Variants in CDK14 observed in about 807,000 individuals in gnomAD.
CDK14 encodes the protein cyclin-dependent kinase 14.
CDK14 carries 34 observed loss-of-function variants against 60.7 expected under a neutral mutation model. The ratio of observed to expected loss-of-function variants is 0.56; its 90% CI spans 0.43 to 0.75. CDK14 has a LOEUF of 0.75. CDK14 is among the 30% of genes least tolerant of loss of function. The probability of loss-of-function intolerance (pLI) is 0.00; values close to 1 mark genes in which losing one functional copy is unlikely to be tolerated. For synonymous variants in CDK14, 197 were observed against 203.7 expected, an observed-to-expected ratio of 0.97 and a Z score of 0.28; for missense variants, 482 against 564.1, an observed-to-expected ratio of 0.85 and a Z score of 1.47.
At chr7:90,789,215 C>T (rs1159763471) in intron 4 of CDK14, among the ~76,000 whole-genome samples, 2 of 152,146 alleles carry the variant, frequency 1.3e-5, no homozygotes, top group African/African-American at 4.8e-5. Flanking sequence ...ATGCTATACT[C>T]ATACATAAGA....
At chr7:90,937,577 C>T (rs1793794220) in intron 8 of CDK14, among the ~76,000 whole-genome samples, 1 of 152,144 alleles carries the variant, frequency 6.6e-6, no homozygotes, top group African/African-American at 2.4e-5. Flanking sequence ...TAAAATGCTG[C>T]ATAGAAAACA....
At chr7:90,785,648 G>C (rs560867631) in intron 4 of CDK14, among the ~76,000 whole-genome samples, 1 of 151,864 alleles carries the variant, frequency 6.6e-6, no homozygotes, top group African/African-American at 2.4e-5. Context: ...TTAGCTAGGC[G>C]TGGTGGTGGG....
chr7:90,916,674 T>C (rs997424647), intron 7 of CDK14, among the ~76,000 whole-genome samples: 4 of 152,354 alleles, frequency 2.6e-5, no homozygotes, highest in East Asian at 3.9e-4. Flanking sequence ...TTGGTGGCAC[T>C]TAAAAGTAAG....
intron 10 of CDK14, among the ~76,000 whole-genome samples, chr7:91,036,711 G>A (rs1445902408): frequency 1.3e-5 from 2 of 152,050 alleles, no homozygotes; most frequent in Non-Finnish European, 2.9e-5. Flanking sequence ...TTTATTGTAA[G>A]GATATAGTAT....
intron 5 of CDK14, among the ~76,000 whole-genome samples, chr7:90,861,352 TA>T (rs1309758072): frequency 5.9e-5 from 9 of 152,114 alleles, no homozygotes; most frequent in Non-Finnish European, 1.0e-4. Flanking sequence ...AGACAACTCA[TA>T]CCTTCAAGAG....
chr7:91,079,570 T>A (rs1002667528), intron 12 of CDK14, 90 bp downstream of exon 12: 6 of 900,506 alleles, frequency 6.7e-6, no homozygotes, highest in African/African-American at 1.6e-5. Context: ...CATTGTTGAT[T>A]CATCCTGCTG....
In CDK14 at chr7:90,604,218, C is replaced by A; in HGVS notation, c.92C>A (p.Ala31Asp). The A allele has an allele frequency of 6.5e-7, 1 of 1,533,582 alleles. No individual in the cohort carries two copies. The highest frequency in any genetic ancestry group is 8.8e-7 in the Non-Finnish European group (1 of 1,130,974). 95.0% of individuals were successfully genotyped at this position (1,533,582 alleles called of 1,614,324 possible). A position where few individuals can be genotyped will look rare whatever the true frequency, so the allele number is the denominator to read the frequency against. ...TTTCCTTTTCCTTCTTATTTTATAG[C>A]TTTGAAGAAAGATGACACCACCTTT... Reference protein sequence around the residue: ...RTLSESFSRIALKKDDTTFDE... With the variant: ...RTLSESFSRIDLKKDDTTFDE... The change falls in exon 2 of 15, where the codon GCT becomes GAT. Residue 31 changes from alanine (A) to aspartate (D), a missense_variant and splice_region_variant. Transcript: ENST00000380050.
At chr7:90,906,987 T>C (rs538533404) in intron 7 of CDK14, among the ~76,000 whole-genome samples, 1 of 152,212 alleles carries the variant, frequency 6.6e-6, no homozygotes, top group African/African-American at 2.4e-5. Context: ...CAGTATGGCA[T>C]TCTGAAATAA....
intron 9 of CDK14, among the ~76,000 whole-genome samples, chr7:90,976,234 G>A (rs955959529): frequency 6.6e-6 from 1 of 152,096 alleles, no homozygotes; most frequent in Non-Finnish European, 1.5e-5. Context: ...GGAGTGAAAT[G>A]TCTTATTGTG....
chr7:90,817,525 A>G (rs1789396660), intron 5 of CDK14, among the ~76,000 whole-genome samples: 1 of 152,228 alleles, frequency 6.6e-6, no homozygotes, highest in African/African-American at 2.4e-5. Flanking sequence ...TGGTGTAACA[A>G]AATTATTTAG....
intron 14 of CDK14, among the ~76,000 whole-genome samples, chr7:91,167,157 T>G (rs893927717): frequency 9.2e-5 from 14 of 152,232 alleles, no homozygotes; most frequent in African/African-American, 3.4e-4. Flanking sequence ...CTATGCCTAT[T>G]TGTATTTCAC....
At chr7:90,635,527 G>A (rs1800121828) in intron 2 of CDK14, among the ~76,000 whole-genome samples, 1 of 152,164 alleles carries the variant, frequency 6.6e-6, no homozygotes, top group Non-Finnish European at 1.5e-5. Flanking sequence ...TGCTGTTTTG[G>A]TTACTGTAGC....
intron 10 of CDK14, among the ~76,000 whole-genome samples, chr7:91,044,223 A>G (rs1797172071): frequency 6.6e-6 from 1 of 152,202 alleles, no homozygotes; most frequent in African/African-American, 2.4e-5. Context: ...TTCAGTCCAG[A>G]AAGGCAGGAC....
At chr7:90,895,946 C>T (rs1466733844) in intron 6 of CDK14, among the ~76,000 whole-genome samples, 2 of 151,704 alleles carry the variant, frequency 1.3e-5, no homozygotes, top group Non-Finnish European at 2.9e-5. Flanking sequence ...ATCAGACTTG[C>T]CAAAGGTTGG....
Position 91,207,415 on chromosome 7 carries a change from A to C in CDK14, c.*279A>C, listed in dbSNP as rs780449734. On this transcript the variant is annotated 3_prime_UTR_variant, in exon 15 of 15. Transcript: ENST00000380050. ...CTGATACATGGCATGTATTCTTTTC[A>C]GTCTTTTGTGTTTGATTTTGTTTGA... 10 of 152,552 alleles carry C rather than the reference A, an allele frequency of 6.6e-5. No individual in the cohort carries two copies. Among genetic ancestry groups the C allele is most frequent in the Admixed American group, 6.5e-4 (10 of 15,280 alleles). The allele number at this position is 152,552 out of a possible 1,614,324, so 9.4% of individuals were successfully genotyped here. A position where few individuals can be genotyped will look rare whatever the true frequency, so the allele number is the denominator to read the frequency against.
intron 10 of CDK14, among the ~76,000 whole-genome samples, chr7:91,021,185 A>C (rs954263413): frequency 3.9e-5 from 6 of 152,136 alleles, no homozygotes; most frequent in African/African-American, 1.4e-4. Flanking sequence ...ATATACTATC[A>C]ACTAGAAGCA....
At chr7:90,954,617 T>C in intron 8 of CDK14, among the ~76,000 whole-genome samples, 1 of 36,676 alleles carries the variant, frequency 2.7e-5, no homozygotes, top group Non-Finnish European at 7.9e-5. Flanking sequence ...CAAACTTTTT[T>C]CTTTTTTTTT....
At chr7:90,618,128 G>A (rs17865021) in intron 2 of CDK14, among the ~76,000 whole-genome samples, 20,252 of 152,036 alleles carry the variant, frequency 0.13, 1,413 homozygotes, top group Middle Eastern at 0.17. Flanking sequence ...AGCCACTCTG[G>A]CTTCATTTTT....
At chr7:90,883,197 T>C (rs1562811962) in intron 6 of CDK14, among the ~76,000 whole-genome samples, 1 of 151,798 alleles carries the variant, frequency 6.6e-6, no homozygotes, top group East Asian at 1.9e-4. Context: ...CACAGCCTCC[T>C]AGCTAGACTA....
Sources: allele counts gnomAD v4.1 joint callset (sites outside exome capture counted in the v4.1 genomes callset), GRCh38; gene constraint gnomAD v4.1.1; transcripts MANE v1.5; gene names NCBI Gene and HGNC (gene_info 2026-07-23, HGNC 2026-07-21).